Variants in CDH18 observed in about 807,000 individuals in gnomAD.
The protein encoded by CDH18 is cadherin 18.
Under a neutral mutation model 67.9 loss-of-function variants are expected in CDH18, and 31 were observed. The observed-to-expected ratio is 0.46, with a 90% confidence interval of 0.34 to 0.62. CDH18 has a LOEUF of 0.62. Ranked by LOEUF, CDH18 falls within the 20% of genes least tolerant of loss-of-function variation. CDH18 has a pLI of 0.01. For synonymous variants in CDH18, 362 were observed against 347.2 expected (o/e 1.04, Z -0.48); for missense variants, 890 against 975.5 (o/e 0.91, Z 1.17).
chr5:19,630,063 A>G (rs1752184999), intron 5 of CDH18, among the ~76,000 whole-genome samples: 1 of 151,946 alleles, frequency 6.6e-6, no homozygotes, highest in African/African-American at 2.4e-5. Flanking sequence ...CAGCCTCCCA[A>G]GTAGCTGGGA....
intron 1 of CDH18, among the ~76,000 whole-genome samples, chr5:20,543,272 A>G (rs942889469): frequency 2.0e-5 from 3 of 151,940 alleles, no homozygotes; most frequent in Non-Finnish European, 4.4e-5. Flanking sequence ...CTTATATTTC[A>G]TCTTATTGTT....
chr5:20,206,306 AC>A (rs763596269), intron 2 of CDH18, among the ~76,000 whole-genome samples: 2 of 152,070 alleles, frequency 1.3e-5, no homozygotes, highest in South Asian at 4.1e-4. Flanking sequence ...GAAAACCTTA[AC>A]AAAGCAAAAA....
chr5:19,921,892 A>G (rs1792520793), intron 2 of CDH18, among the ~76,000 whole-genome samples: 1 of 151,908 alleles, frequency 6.6e-6, no homozygotes, highest in African/African-American at 2.4e-5. Flanking sequence ...AACCCATATA[A>G]CCAAAGGCTA....
chr5:19,799,679 T>C (rs1263838392), intron 3 of CDH18, among the ~76,000 whole-genome samples: 1 of 152,142 alleles, frequency 6.6e-6, no homozygotes, highest in Non-Finnish European at 1.5e-5. Context: ...AGAGGATTAT[T>C]TTTTTCCTGT....
At chr5:20,199,421 T>A (rs1391173445) in intron 2 of CDH18, among the ~76,000 whole-genome samples, 2 of 152,154 alleles carry the variant, frequency 1.3e-5, no homozygotes, top group Admixed American at 6.5e-5. Context: ...CTGTAGCCCC[T>A]TTGTTTTGGC....
intron 1 of CDH18, among the ~76,000 whole-genome samples, chr5:20,261,515 C>A (rs1053497685): frequency 6.6e-6 from 1 of 152,008 alleles, no homozygotes; most frequent in African/African-American, 2.4e-5. Context: ...CTGAGGCGGG[C>A]AGATCACGAG....
chr5:19,632,940 C>G (rs996084471), intron 5 of CDH18, among the ~76,000 whole-genome samples: 2 of 152,052 alleles, frequency 1.3e-5, no homozygotes, highest in African/African-American at 4.8e-5. Context: ...CAGCTGGCTG[C>G]AAAGATCGTT....
At chr5:20,384,838 A>C (rs10036233) in intron 1 of CDH18, among the ~76,000 whole-genome samples, 1 of 151,838 alleles carries the variant, frequency 6.6e-6, no homozygotes, top group African/African-American at 2.4e-5. Flanking sequence ...TTATTTATTT[A>C]TTTATTCATT....
intron 2 of CDH18, among the ~76,000 whole-genome samples, chr5:20,191,971 A>C (rs898310253): frequency 1.3e-5 from 2 of 152,018 alleles, no homozygotes; most frequent in African/African-American, 4.8e-5. Context: ...TTACATTCCC[A>C]CCAACAGTGT....
chr5:19,834,361 C>G (rs901295094), intron 3 of CDH18, among the ~76,000 whole-genome samples: 1 of 151,898 alleles, frequency 6.6e-6, no homozygotes, highest in African/African-American at 2.4e-5. Context: ...TCTGTGGGGA[C>G]AGTGGTGATA....
intron 8 of CDH18, among the ~76,000 whole-genome samples, chr5:19,551,977 A>T (rs1249366950): frequency 6.6e-6 from 1 of 152,190 alleles, no homozygotes; most frequent in Non-Finnish European, 1.5e-5. Context: ...GTGAATGAAT[A>T]AGCCAACCAA....
rs62351275 is a variant in CDH18 at position 19,616,701 on chromosome 5, C to G, written c.644-4100G>C. 7.2e-3 allele frequency among the ~76,000 whole-genome samples: 1,092 copies of G among 152,182 alleles called. 14 individuals are homozygous for G. Among genetic ancestry groups the G allele is most frequent in the African/African-American group, 0.025 (1,034 of 41,532 alleles). The stretch of plus-strand genomic sequence containing the variant: ...TACACACATCTCCAACAGACTATTG[C>G]GTTAATCTCTTCAGGCTGCCAGAAC... On this transcript the variant is annotated intron_variant, in intron 5 of 12. Transcript: ENST00000382275.
chr5:20,241,905 T>A lies in CDH18; in HGVS notation c.-518+13539A>T, dbSNP rs2974599. ...ATATATATATATGTATATATATATA[T>A]ATATTGCTTAGTCAGAGGCACTGTG... On this transcript the variant is annotated intron_variant, in intron 2 of 14. Coordinates refer to the CDH18 transcript ENST00000507958. Among the ~76,000 whole-genome samples the A allele has an allele frequency of 9.3e-3, 1,305 of 140,820 alleles. 9 individuals are homozygous for A. The highest frequency in any genetic ancestry group is 0.019 in the South Asian group (87 of 4,590). The allele number at this position is 140,820 out of a possible 152,430, so 92.4% of individuals were successfully genotyped here. A position where few individuals can be genotyped will look rare whatever the true frequency, so the allele number is the denominator to read the frequency against.
At chr5:20,315,275 A>G (rs551407868) in intron 1 of CDH18, among the ~76,000 whole-genome samples, 7 of 152,120 alleles carry the variant, frequency 4.6e-5, no homozygotes, top group African/African-American at 7.2e-5. Context: ...TCATAAATCC[A>G]TACAGTGCTA....
intron 2 of CDH18, among the ~76,000 whole-genome samples, chr5:20,201,502 T>A (rs1739444022): frequency 6.6e-6 from 1 of 152,020 alleles, no homozygotes; most frequent in African/African-American, 2.4e-5. Context: ...AGTGTTTTTT[T>A]TTGTTTTTGT....
At chr5:19,969,678 A>C (rs975059490) in intron 2 of CDH18, among the ~76,000 whole-genome samples, 1 of 136,150 alleles carries the variant, frequency 7.3e-6, no homozygotes. Context: ...GGAACATCAC[A>C]CTCTGGGGAC....
intron 8 of CDH18, among the ~76,000 whole-genome samples, chr5:19,546,703 G>A (rs1736377996): frequency 6.6e-6 from 1 of 152,158 alleles, no homozygotes; most frequent in Admixed American, 6.5e-5. Context: ...TTGCTAAGGT[G>A]TGAAATCTTC....
At chr5:19,670,846 T>TA (rs1196537547) in intron 5 of CDH18, among the ~76,000 whole-genome samples, 4 of 152,060 alleles carry the variant, frequency 2.6e-5, no homozygotes, top group African/African-American at 7.2e-5. Context: ...TTGCAGAAAT[T>TA]ACACCATTTT....
chr5:19,532,834 G>A (rs917790588), intron 9 of CDH18, among the ~76,000 whole-genome samples: 1 of 152,180 alleles, frequency 6.6e-6, no homozygotes, highest in African/African-American at 2.4e-5. Context: ...TGGAACATGA[G>A]AGAGAAGAGA....
Sources: gnomAD v4.1 joint callset for allele counts (sites outside exome capture counted in the v4.1 genomes callset) on GRCh38, gnomAD v4.1.1 for gene constraint, MANE v1.5 for transcripts, NCBI Gene and HGNC (gene_info 2026-07-23, HGNC 2026-07-21) for gene names.